CHIC2: variants seen among roughly 807,000 people sequenced by gnomAD.
The protein encoded by CHIC2 is cysteine-rich hydrophobic domain-containing protein 2.
In CHIC2, 14 loss-of-function variants were observed where a neutral mutation model predicts 25.9. The observed-to-expected ratio is 0.54, with a 90% confidence interval of 0.36 to 0.85. The LOEUF (loss-of-function observed/expected upper bound fraction) is 0.85, where lower values mean the gene tolerates loss of function less well. CHIC2 is among the 40% of genes least tolerant of loss of function. The pLI, the probability that CHIC2 is intolerant of heterozygous loss-of-function variation, is 0.01. For missense variants in CHIC2, 146 were observed against 202.0 expected (o/e 0.72, Z 1.68); for synonymous variants, 70 against 72.0 (o/e 0.97, Z 0.14).
intron 3 of CHIC2, among the ~76,000 whole-genome samples, chr4:54,028,373 T>C (rs1716123854): frequency 6.6e-6 from 1 of 152,210 alleles, no homozygotes; most frequent in African/African-American, 2.4e-5. Flanking sequence ...TTTTGAGCTG[T>C]AAGATTGGAA....
intron 5 of CHIC2, among the ~76,000 whole-genome samples, chr4:54,012,461 A>G (rs1715624347): frequency 6.6e-6 from 1 of 152,190 alleles, no homozygotes; most frequent in South Asian, 2.1e-4. Context: ...TCTATCTGGA[A>G]TTCATAGCAT....
the CHIC2 span, among the ~76,000 whole-genome samples, chr4:54,078,546 G>C: frequency 1.3e-5 from 2 of 151,934 alleles, no homozygotes; most frequent in South Asian, 2.1e-4. Context: ...GACAGAGTCT[G>C]TCTCTGTCCC....
At chr4:54,015,898 T>G (rs1437715607) in intron 3 of CHIC2, among the ~76,000 whole-genome samples, 1 of 152,228 alleles carries the variant, frequency 6.6e-6, no homozygotes, top group Non-Finnish European at 1.5e-5. Context: ...AAGCTCACAT[T>G]GACAGAGCTC....
chr4:54,039,324 G>A (rs994946589), intron 3 of CHIC2, among the ~76,000 whole-genome samples: 9 of 152,066 alleles, frequency 5.9e-5, no homozygotes, highest in Admixed American at 5.2e-4. Flanking sequence ...ATATTAGCAC[G>A]TATCTGCCAG....
intron 3 of CHIC2, among the ~76,000 whole-genome samples, chr4:54,026,174 A>G (rs941955392): frequency 1.3e-5 from 2 of 152,188 alleles, no homozygotes. Context: ...ATGGCCTTCA[A>G]TTTCCTGTTC....
At chr4:54,073,208 C>T in the CHIC2 span, among the ~76,000 whole-genome samples, 1 of 152,160 alleles carries the variant, frequency 6.6e-6, no homozygotes, top group Non-Finnish European at 1.5e-5. Context: ...TCCCATCAGC[C>T]TTGGTTTGGT....
chr4:54,080,321 T>C, the CHIC2 span, among the ~76,000 whole-genome samples: 1 of 151,896 alleles, frequency 6.6e-6, no homozygotes, highest in African/African-American at 2.4e-5. Context: ...ATCTCACTTA[T>C]AGGTGGAATC....
At chr4:54,055,391 T>C (rs770677705) in intron 1 of CHIC2, among the ~76,000 whole-genome samples, 2 of 152,126 alleles carry the variant, frequency 1.3e-5, no homozygotes, top group African/African-American at 2.4e-5. Context: ...AGAATGGATG[T>C]AGTGAAAGAG....
At chr4:54,023,113 C>T (rs1316581130) in intron 3 of CHIC2, among the ~76,000 whole-genome samples, 1 of 152,096 alleles carries the variant, frequency 6.6e-6, no homozygotes, top group Non-Finnish European at 1.5e-5. Context: ...AAAAACAGCC[C>T]TAGAAGCTGC....
At position 54,049,322 on chromosome 4, in the gene CHIC2, G is replaced by C; in HGVS notation, c.120-17C>G. On this transcript the variant is annotated splice_polypyrimidine_tract_variant and intron_variant, in intron 1 of 5. Coordinates refer to ENST00000263921, the MANE Select transcript of CHIC2 (RefSeq NM_012110.4). ...AGTCCAAATCTATTTTAAAAAATAA[G>C]AAGAATATGTTATTACATGTTATTG... 1.3e-6 allele frequency: 2 copies of C among 1,520,152 alleles called. No homozygotes were observed. The highest frequency in any genetic ancestry group is 1.8e-6 in the Non-Finnish European group (2 of 1,106,994). 94.2% of individuals were successfully genotyped at this position (1,520,152 alleles called of 1,614,324 possible).
chr4:54,062,256 G>C (rs561828281), intron 1 of CHIC2, among the ~76,000 whole-genome samples: 53 of 152,266 alleles, frequency 3.5e-4, no homozygotes, highest in Non-Finnish European at 7.4e-4. Context: ...ACTGTTTATT[G>C]ATGATAGATA....
chr4:54,018,640 G>GA lies in CHIC2; in HGVS notation c.331-4522dup, dbSNP rs543213372. ...AAATTTTAGAGTATTGAGAGCTAAA[G>GA]AAAAAAAATGTTAAGTGTAGAAACT... On this transcript the variant is annotated intron_variant, in intron 3 of 5. Transcript: ENST00000263921. Among the ~76,000 whole-genome samples the GA allele has an allele frequency of 5.3e-5, 8 of 151,472 alleles. No individual in the cohort carries two copies. In the East Asian group the frequency reaches 1.6e-3, roughly 29 times the overall value.
At chr4:54,051,125 T>C (rs1399124642) in intron 1 of CHIC2, among the ~76,000 whole-genome samples, 1 of 152,022 alleles carries the variant, frequency 6.6e-6, no homozygotes, top group East Asian at 1.9e-4. Flanking sequence ...ATTTCTCCCA[T>C]CCTTACTAAA....
the CHIC2 span, among the ~76,000 whole-genome samples, chr4:54,070,406 T>TTATG: frequency 1.1e-5 from 1 of 87,960 alleles, no homozygotes. Flanking sequence ...ATTTATTTAT[T>TTATG]TATGTATTTA....
intron 3 of CHIC2, among the ~76,000 whole-genome samples, chr4:54,038,409 T>C (rs1716457817): frequency 6.6e-6 from 1 of 152,140 alleles, no homozygotes; most frequent in African/African-American, 2.4e-5. Flanking sequence ...TGTATAAAGC[T>C]AATAAAACAT....
chr4:54,055,067 GA>G (rs749732189), intron 1 of CHIC2, among the ~76,000 whole-genome samples: 8 of 152,156 alleles, frequency 5.3e-5, no homozygotes, highest in Non-Finnish European at 8.8e-5. Flanking sequence ...CACTATAGCA[GA>G]TGTACCAAAA....
At chr4:54,087,053 T>C in the CHIC2 span, 1 of 1,142,164 alleles carries the variant, frequency 8.8e-7, no homozygotes, top group Non-Finnish European at 1.3e-6. Flanking sequence ...AGGCAGCTGG[T>C]CCACAGCAGA....
intron 3 of CHIC2, among the ~76,000 whole-genome samples, chr4:54,036,570 C>T (rs886157418): frequency 2.6e-5 from 4 of 152,118 alleles, no homozygotes; most frequent in African/African-American, 9.7e-5. Flanking sequence ...ATCCAATCAC[C>T]TTCCACGAGG....
upstream of CHIC2, chr4:54,064,611 A>T: frequency 8.6e-7 from 1 of 1,162,902 alleles, no homozygotes; most frequent in Non-Finnish European, 1.1e-6. The surrounding 1 kb of genome is among the most constrained non-coding windows in gnomAD (Gnocchi z 4.2). Flanking sequence ...AAACCACAGC[A>T]ACAGCCCGAG....
Sources: gnomAD v4.1 joint callset for allele counts (sites outside exome capture counted in the v4.1 genomes callset) on GRCh38, gnomAD v4.1.1 for gene constraint, Gnocchi (gnomAD v3.1) non-coding constraint, MANE v1.5 for transcripts, NCBI Gene and HGNC (gene_info 2026-07-23, HGNC 2026-07-21) for gene names.